ARHGAP35: variants seen among roughly 807,000 people sequenced by gnomAD.
ARHGAP35 encodes the protein rho GTPase-activating protein 35.
ARHGAP35 carries 15 observed loss-of-function variants against 111.1 expected under a neutral mutation model. The observed-to-expected ratio is 0.13, with a 90% CI of 0.09 to 0.21. The LOEUF (loss-of-function observed/expected upper bound fraction) is 0.21. ARHGAP35 is among the 10% of genes least tolerant of loss of function. The pLI, the probability that ARHGAP35 is intolerant of heterozygous loss-of-function variation, is 1.00. For synonymous variants in ARHGAP35, 643 were observed against 710.3 expected, an observed-to-expected ratio of 0.91 and a Z score of 1.51; for missense variants, 1,262 against 1,873.0, an observed-to-expected ratio of 0.67 and a Z score of 6.02.
At chr19:46,934,056 C>T (rs1279873645) in intron 2 of ARHGAP35, among the ~76,000 whole-genome samples, 1 of 152,040 alleles carries the variant, frequency 6.6e-6, no homozygotes, top group Non-Finnish European at 1.5e-5. Context: ...TCCTTCACAG[C>T]GGTTTATTTG....
chr19:46,881,131 G>A (rs1274809642), intron 1 of ARHGAP35, among the ~76,000 whole-genome samples: 1 of 152,062 alleles, frequency 6.6e-6, no homozygotes, highest in Non-Finnish European at 1.5e-5. Context: ...TTCGAGTAGA[G>A]ATGGGGTTTC....
At chr19:46,929,591 CTTTTTTT>C (rs55818906) in intron 2 of ARHGAP35, among the ~76,000 whole-genome samples, 1 of 93,054 alleles carries the variant, frequency 1.1e-5, no homozygotes. Flanking sequence ...ACCTGTTACT[CTTTTTTT>C]TTTTTTTTTT....
At chr19:46,984,721 T>C (rs2056639456) in intron 3 of ARHGAP35, among the ~76,000 whole-genome samples, 1 of 152,238 alleles carries the variant, frequency 6.6e-6, no homozygotes, top group Non-Finnish European at 1.5e-5. Context: ...TAATTGATGC[T>C]CTGGTACGGC....
chr19:46,921,128 A>G lies in ARHGAP35; in HGVS notation c.2453A>G (p.Asn818Ser), dbSNP rs1304719209. Residue 818 changes from asparagine (N) to serine (S), a missense_variant, in exon 2 of 7, where the codon AAC (asparagine) becomes AGC (serine). Coordinates refer to ENST00000672722, the MANE Select transcript of ARHGAP35 (RefSeq NM_004491.5). The surrounding 1 kb of genome is among the most constrained non-coding windows in gnomAD (Gnocchi z 4.3). ...TCKSSHCGSNNSVLLELPIGL... is the reference protein window; with the variant it reads ...TCKSSHCGSNSSVLLELPIGL... ...AAATCTTCCCATTGTGGAAGCAACA[A>G]CTCTGTTTTACTTGAACTACCAATC... 3 of 1,613,722 alleles carry G rather than the reference A, an allele frequency of 1.9e-6. No homozygotes were observed. The highest frequency in any genetic ancestry group is 2.5e-6 in the Non-Finnish European group (3 of 1,179,870).
chr19:46,894,470 C>T (rs1458182708), intron 1 of ARHGAP35, among the ~76,000 whole-genome samples: 3 of 127,014 alleles, frequency 2.4e-5, no homozygotes, highest in African/African-American at 9.0e-5. Flanking sequence ...TTTTTGGAGA[C>T]GGAGTCGCTC....
intron 1 of ARHGAP35, among the ~76,000 whole-genome samples, chr19:46,876,593 G>A (rs1257314688): frequency 2.6e-5 from 4 of 151,866 alleles, no homozygotes; most frequent in Non-Finnish European, 4.4e-5. Context: ...GGCTGGTCTC[G>A]AACTCCTGAC....
At position 46,963,313 on chromosome 19, in the gene ARHGAP35, T is replaced by C. The variant is rs1014034534; in HGVS notation, c.3827-24676T>C. 2.6e-5 allele frequency among the ~76,000 whole-genome samples: 4 copies of C among 152,362 alleles called. No homozygotes were observed. The South Asian group carries it at 8.3e-4, about 32-fold the overall frequency. On this transcript the variant is annotated intron_variant, in intron 3 of 6. Coordinates refer to ENST00000672722, the MANE Select transcript of ARHGAP35 (RefSeq NM_004491.5). ...TGAGTGCTTGCTGGCACGCACACAC[T>C]GTTGACTGCTTGTTCTGGTAGCACA...
chr19:46,942,504 G>A (rs1486876014), intron 3 of ARHGAP35, among the ~76,000 whole-genome samples: 2 of 152,120 alleles, frequency 1.3e-5, no homozygotes, highest in African/African-American at 2.4e-5. Context: ...GGGCTTGGTG[G>A]TACATGCCTG....
intron 1 of ARHGAP35, among the ~76,000 whole-genome samples, chr19:46,866,335 G>A (rs922786860): frequency 2.6e-4 from 40 of 152,180 alleles, no homozygotes; most frequent in African/African-American, 4.6e-4. Flanking sequence ...AAATCAGCGC[G>A]TAGTCTAGCC....
At chr19:46,941,298 T>C (rs189087826) in intron 3 of ARHGAP35, among the ~76,000 whole-genome samples, 1 of 152,260 alleles carries the variant, frequency 6.6e-6, no homozygotes, top group African/African-American at 2.4e-5. Context: ...AATAGCACTT[T>C]GAATTTAACC....
intron 1 of ARHGAP35, among the ~76,000 whole-genome samples, chr19:46,911,831 AT>A (rs1197101133): frequency 6.6e-5 from 10 of 152,142 alleles, no homozygotes; most frequent in Non-Finnish European, 1.2e-4. Context: ...ATTCATCTGG[AT>A]TTTACAGATG....
intron 1 of ARHGAP35, among the ~76,000 whole-genome samples, chr19:46,916,115 C>T (rs577585200): frequency 3.3e-5 from 5 of 151,968 alleles, no homozygotes; most frequent in Non-Finnish European, 5.9e-5. Context: ...GTTGTACTTT[C>T]AGTGGAGACG....
chr19:47,001,093 C>T lies in ARHGAP35; in HGVS notation c.*405C>T. 7.8e-7 allele frequency: 1 copy of T among 1,277,362 alleles called. No individual in the cohort carries two copies. The highest frequency in any genetic ancestry group is 2.6e-5 in the Admixed American group (1 of 38,320). The allele number at this position is 1,277,362 out of a possible 1,614,324, so 79.1% of individuals were successfully genotyped here. Reference sequence around the variant, plus strand: ...GCTCTGAGATTCAGGGTGGGGCTGGCAACCCCTGAAGAGAACACTTCCTGT... The same window carrying T: ...GCTCTGAGATTCAGGGTGGGGCTGGTAACCCCTGAAGAGAACACTTCCTGT... On this transcript the variant is annotated 3_prime_UTR_variant, in exon 7 of 7. Coordinates refer to ENST00000672722, the MANE Select transcript of ARHGAP35 (RefSeq NM_004491.5). This position sits in a 1 kb window ranked among gnomAD's most constrained non-coding sequence, Gnocchi z 5.4.
At chr19:46,985,579 C>T (rs1450809609) in intron 3 of ARHGAP35, among the ~76,000 whole-genome samples, 1 of 152,334 alleles carries the variant, frequency 6.6e-6, no homozygotes, top group East Asian at 1.9e-4. Flanking sequence ...CCCAATAGCT[C>T]TTCCCATGAG....
At chr19:46,867,250 G>A (rs769614847) in intron 1 of ARHGAP35, among the ~76,000 whole-genome samples, 12 of 152,238 alleles carry the variant, frequency 7.9e-5, no homozygotes, top group African/African-American at 9.6e-5. Context: ...TTATTGAAAC[G>A]AACATTTTCT....
chr19:46,922,164 C>G lies in ARHGAP35; in HGVS notation c.3489C>G (p.Thr1163=). The G allele has an allele frequency of 6.2e-7, 1 of 1,613,974 alleles. No homozygotes were observed. Residue 1163 remains threonine, a synonymous_variant, in exon 2 of 7, where the codon ACC becomes ACG. Transcript: ENST00000672722. This position sits in a 1 kb window ranked among gnomAD's most constrained non-coding sequence, Gnocchi z 4.0. ...SKPVLYRTRC[T]RLGRFASYRT... ...CAGTGCTGTACAGGACGAGATGCAC[C>G]CGGCTGGGGCGGTTTGCTAGTTACC...
intron 3 of ARHGAP35, among the ~76,000 whole-genome samples, chr19:46,962,502 G>A (rs1263607999): frequency 6.6e-6 from 1 of 152,230 alleles, no homozygotes; most frequent in Non-Finnish European, 1.5e-5. Flanking sequence ...TTGTGTTTAG[G>A]GCAGAAATTC....
chr19:46,943,852 C>T, intron 3 of ARHGAP35, among the ~76,000 whole-genome samples: 1 of 152,200 alleles, frequency 6.6e-6, no homozygotes, highest in South Asian at 2.1e-4. Context: ...TGATGCTGCC[C>T]ACTCACCTGT....
chr19:46,934,334 T>C (rs1191536946), intron 2 of ARHGAP35, among the ~76,000 whole-genome samples: 2 of 152,210 alleles, frequency 1.3e-5, no homozygotes, highest in Non-Finnish European at 1.5e-5. Context: ...GTTGCAACAA[T>C]GTGTGAAACA....
Sources: gnomAD v4.1 joint callset for allele counts (sites outside exome capture counted in the v4.1 genomes callset) on GRCh38, gnomAD v4.1.1 for gene constraint, Gnocchi (gnomAD v3.1) non-coding constraint, MANE v1.5 for transcripts, NCBI Gene and HGNC (gene_info 2026-07-23, HGNC 2026-07-21) for gene names.